The following ATG9A variants were observed in gnomAD, a reference collection of about 807,000 sequenced individuals.
ATG9A encodes the protein autophagy related 9A, also known as autophagy-related protein 9A.
In ATG9A, 21 loss-of-function variants were observed where a neutral mutation model predicts 87.1. The observed-to-expected ratio is 0.24, with a 90% confidence interval of 0.17 to 0.35. The LOEUF is 0.35. Among genes scored for constraint, ATG9A ranks in the 10% least tolerant of loss-of-function variants. The pLI is 1.00. For missense variants in ATG9A, 836 were observed against 1,107.3 expected, an observed-to-expected ratio of 0.76 and a Z score of 3.48; for synonymous variants, 422 against 441.3, an observed-to-expected ratio of 0.96 and a Z score of 0.55.
chr2:219,227,658 C>G (rs1950890062), intron 4 of ATG9A, 112 bp downstream of exon 4: 1 of 1,275,354 alleles, frequency 7.8e-7, no homozygotes, highest in South Asian at 1.3e-5. Flanking sequence ...AGGATGAGCT[C>G]CATTCCCGTT....
Position 219,224,307 on chromosome 2 carries a change from T to C in ATG9A, c.1064A>G (p.Asn355Ser), listed in dbSNP as rs1026050748. 1.1e-5 allele frequency: 17 copies of C among 1,613,608 alleles called. No homozygotes were observed. Among genetic ancestry groups the C allele is most frequent in the East Asian group, 4.5e-5 (2 of 44,896 alleles). The change falls in exon 8 of 16, where the codon AAC (asparagine) becomes AGC (serine). Residue 355 changes from asparagine to serine, a missense_variant. Physicochemically the swap from Asn to Ser is conservative, Grantham distance 46. Around this residue, in one of 2 missense-constraint regions of ATG9A, gnomAD observed 512 missense variants for 759.6 expected, o/e 0.67. Coordinates refer to ENST00000361242, the MANE Select transcript of ATG9A (RefSeq NM_001077198.3). This position sits in a 1 kb window ranked among gnomAD's most constrained non-coding sequence, Gnocchi z 7.7. ...CTTGGAGGCGGGCTTGTAGCCACGG[T>C]TGAGGCGGGACTGCAGCTCGTGCTC... ...ELEHELQSRL[N>S]RGYKPASKYM...
rs764389414 is a variant in ATG9A at position 219,224,741 on chromosome 2, G to A, written c.630C>T (p.His210=). Residue 210 remains histidine (H), a synonymous_variant, in exon 8 of 16, where the codon CAC becomes CAT. Coordinates refer to ENST00000361242, the MANE Select transcript of ATG9A (RefSeq NM_001077198.3). This position sits in a 1 kb window ranked among gnomAD's most constrained non-coding sequence, Gnocchi z 7.7. Reference sequence around the variant, plus strand: ...TGTAGTTCTGGAAACGGAGGATGCGGTGGTAGATGTCCAGTTCTGTCAGCT... The same window carrying A: ...TGTAGTTCTGGAAACGGAGGATGCGATGGTAGATGTCCAGTTCTGTCAGCT... The part of the protein sequence containing the change: ...KRELTELDIY[H]RILRFQNYMV... 6 of 1,614,130 alleles carry A rather than the reference G, an allele frequency of 3.7e-6. No individual in the cohort carries two copies. The highest frequency in any genetic ancestry group is 5.1e-6 in the Non-Finnish European group (6 of 1,180,056).
At position 219,224,806 on chromosome 2, in the gene ATG9A, G is replaced by A; in HGVS notation, c.565C>T (p.Gln189Ter). The A allele has an allele frequency of 6.2e-7, 1 of 1,614,174 alleles. No homozygotes were observed. Among genetic ancestry groups the A allele is most frequent in the Non-Finnish European group, 8.5e-7 (1 of 1,180,030 alleles). Residue 189 changes from glutamine to a stop codon, truncating the protein, a stop_gained, in exon 8 of 16, where the codon CAG (glutamine) becomes TAG (stop). Coordinates refer to ENST00000361242, the MANE Select transcript of ATG9A (RefSeq NM_001077198.3). LOFTEE classifies it high-confidence loss of function. This position sits in a 1 kb window ranked among gnomAD's most constrained non-coding sequence, Gnocchi z 7.7. ...CAGATCTGGTGCTCCTTCTGCGTCTGCACGATCCGGGCCTGCACTTCTTGC... is the reference window on the plus strand; with the variant it reads ...CAGATCTGGTGCTCCTTCTGCGTCTACACGATCCGGGCCTGCACTTCTTGC... ...TWQEVQARIVQTQKEHQICIH... is the reference protein window; with the variant it reads ...TWQEVQARIV
chr2:219,221,433 T>C (rs1950757045), intron 13 of ATG9A, 131 bp from the exon 14 acceptor site: 1 of 779,566 alleles, frequency 1.3e-6, no homozygotes, highest in South Asian at 2.0e-5. Flanking sequence ...GCACCTATTA[T>C]GTTAATAGTG....
chr2:219,227,133 G>A (rs1336831156), intron 4 of ATG9A, among the ~76,000 whole-genome samples, 200 bp from the exon 5 acceptor site: 2 of 152,212 alleles, frequency 1.3e-5, no homozygotes, highest in African/African-American at 4.8e-5. Context: ...GGAGTATTAG[G>A]TCTAAGATAA....
In ATG9A at chr2:219,224,648, G is replaced by A. The variant is rs528830151; in HGVS notation, c.723C>T (p.Val241=). ...TGTACTTGAGACCACGGGTGAAGAA[G>A]ACAGCTTCCCCGAGGCCAGGCAGGC... ...RFRLPGLGEA[V]FFTRGLKYNF... Residue 241 remains valine, a synonymous_variant, in exon 8 of 16, where the codon GTC becomes GTT. Coordinates refer to ENST00000361242, the MANE Select transcript of ATG9A (RefSeq NM_001077198.3). The surrounding 1 kb of genome is among the most constrained non-coding windows in gnomAD (Gnocchi z 7.7). The A allele has an allele frequency of 9.9e-6, 16 of 1,614,250 alleles. No individual in the cohort carries two copies. The South Asian group carries it at 1.4e-4, about 14-fold the overall frequency.
intron 5 of ATG9A, 23 bp downstream of exon 5, chr2:219,226,846 C>T (rs918050067): frequency 2.3e-5 from 36 of 1,598,966 alleles, no homozygotes; most frequent in Non-Finnish European, 3.1e-5. Flanking sequence ...TTCACCACAT[C>T]ATCTGTCCCT....
At chr2:219,220,547 G>A (rs1950730180) in intron 15 of ATG9A, 95 bp from the exon 16 acceptor site, 1 of 1,557,782 alleles carries the variant, frequency 6.4e-7, no homozygotes, top group Non-Finnish European at 8.8e-7. Context: ...GGACAGGAAA[G>A]GTTGATTCCT....
At chr2:219,227,548 T>C (rs1950887010) in intron 4 of ATG9A, among the ~76,000 whole-genome samples, 1 of 151,924 alleles carries the variant, frequency 6.6e-6, no homozygotes, top group East Asian at 1.9e-4. Context: ...TTAGAAAGGC[T>C]TCTACAAATT....
intron 13 of ATG9A, 77 bp from the exon 14 acceptor site, chr2:219,221,379 G>A (rs1950756222): frequency 1.5e-6 from 2 of 1,359,534 alleles, no homozygotes; most frequent in Admixed American, 2.8e-5. Context: ...CCTGGTATCA[G>A]TCAGTTCCCG....
In ATG9A at chr2:219,222,338, G is replaced by C; in HGVS notation, c.1961C>G (p.Ser654Cys). 2 of 1,613,296 alleles carry C rather than the reference G, an allele frequency of 1.2e-6. No individual in the cohort carries two copies. The highest frequency in any genetic ancestry group is 2.2e-5 in the East Asian group (1 of 44,880). Residue 654 changes from serine to cysteine, a missense_variant, in exon 12 of 16, where the codon TCC becomes TGC. This residue lies in a region of ATG9A where 324 missense variants were observed against 347.6 expected (regional missense o/e 0.93). Coordinates refer to ENST00000361242, the MANE Select transcript of ATG9A (RefSeq NM_001077198.3). This position sits in a 1 kb window ranked among gnomAD's most constrained non-coding sequence, Gnocchi z 4.3. Reference sequence around the variant, plus strand: ...CTGCCCGGGTTGCAGCGGGGAGAAGGAGCGCAGGGCAGAGGCGACTTCAGC... The same window carrying C: ...CTGCCCGGGTTGCAGCGGGGAGAAGCAGCGCAGGGCAGAGGCGACTTCAGC... ...HRAEVASALRSFSPLQPGQAP... is the reference protein window; with the variant it reads ...HRAEVASALRCFSPLQPGQAP...
At chr2:219,228,868 C>T (rs1322395442) in intron 1 of ATG9A, 1 of 152,318 alleles carries the variant, frequency 6.6e-6, no homozygotes, top group Non-Finnish European at 1.5e-5. Flanking sequence ...CCTTCTCTTA[C>T]TTCCCTAGCA....
chr2:219,228,324 C>T (rs371488047), intron 2 of ATG9A, 110 bp downstream of exon 2: 2 of 382,366 alleles, frequency 5.2e-6, no homozygotes, highest in African/African-American at 2.1e-5. Flanking sequence ...TTCTATTTAA[C>T]GGACAGAAGA....
rs925304806 is a variant in ATG9A at position 219,220,456 on chromosome 2, T to C, written c.2515-4A>G. On this transcript the variant is annotated splice_polypyrimidine_tract_variant and splice_region_variant and intron_variant, in intron 15 of 15. Coordinates refer to ENST00000361242, the MANE Select transcript of ATG9A (RefSeq NM_001077198.3). ...CCCTGCTCAGCCTTGTCTATACCTG[T>C]GGGGAGAAAGGGTTGGTAATGGAGA... The C allele has an allele frequency of 6.2e-7, 1 of 1,613,506 alleles. No homozygotes were observed. The highest frequency in any genetic ancestry group is 8.5e-7 in the Non-Finnish European group (1 of 1,179,646).
chr2:219,222,911 G>A lies in ATG9A; in HGVS notation c.1600-18C>T, dbSNP rs889931899. The stretch of plus-strand genomic sequence containing the variant: ...GATAGCCACTGCACAAGGAAGAGCA[G>A]AGTAAGCAGGGCTGTTCTCTTCCAG... On this transcript the variant is annotated intron_variant, in intron 10 of 15. Coordinates refer to ENST00000361242, the MANE Select transcript of ATG9A (RefSeq NM_001077198.3). This position sits in a 1 kb window ranked among gnomAD's most constrained non-coding sequence, Gnocchi z 4.3. 1.9e-6 allele frequency: 3 copies of A among 1,613,292 alleles called. No homozygotes were observed. The highest frequency in any genetic ancestry group is 1.3e-5 in the African/African-American group (1 of 74,890).
At chr2:219,226,361 G>C (rs947462693) in intron 5 of ATG9A, among the ~76,000 whole-genome samples, 1 of 152,204 alleles carries the variant, frequency 6.6e-6, no homozygotes, top group Non-Finnish European at 1.5e-5. Flanking sequence ...TTCTTTTCAT[G>C]GAAGAGATAA....
intron 5 of ATG9A, among the ~76,000 whole-genome samples, chr2:219,225,828 C>T (rs551045557): frequency 3.3e-5 from 5 of 152,314 alleles, no homozygotes; most frequent in East Asian, 3.9e-4. Flanking sequence ...ACTGGACTCT[C>T]GAAGGTTTCA....
In ATG9A at chr2:219,220,236, C is replaced by T; in HGVS notation, c.*211G>A. ...GGGGTCCTGGGGATGAGGCTAGAGT[C>T]CCGTGTGCCCTCGGTTCCTAGGCCC... On this transcript the variant is annotated 3_prime_UTR_variant, in exon 16 of 16. Coordinates refer to ENST00000361242, the MANE Select transcript of ATG9A (RefSeq NM_001077198.3). 1.7e-6 allele frequency: 1 copy of T among 603,422 alleles called. No homozygotes were observed. Among genetic ancestry groups the T allele is most frequent in the Non-Finnish European group, 2.9e-6 (1 of 345,514 alleles). 37.4% of individuals were successfully genotyped at this position (603,422 alleles called of 1,614,324 possible).
In ATG9A at chr2:219,221,259, C is replaced by A; in HGVS notation, c.2189G>T (p.Trp730Leu). Reference sequence around the variant, plus strand: ...ACTCTCATCACTCTCCCGGCGGTGCCATACATGCCGCTCAGGTTCAGCCTG... The same window carrying A: ...ACTCTCATCACTCTCCCGGCGGTGCAATACATGCCGCTCAGGTTCAGCCTG... ...QAQAEPERHV[W>L]HRRESDESGE... Residue 730 changes from tryptophan to leucine, a missense_variant, in exon 14 of 16, where the codon TGG becomes TTG. By Grantham distance (61) the Trp-to-Leu change is moderately conservative. Coordinates refer to ENST00000361242, the MANE Select transcript of ATG9A (RefSeq NM_001077198.3). 6.4e-7 allele frequency: 1 copy of A among 1,573,588 alleles called. No homozygotes were observed.
Sources: allele counts gnomAD v4.1 joint callset (sites outside exome capture counted in the v4.1 genomes callset), GRCh38; gene constraint gnomAD v4.1.1; regional missense constraint gnomAD v4.1.1; non-coding constraint Gnocchi (gnomAD v3.1); transcripts MANE v1.5; gene names NCBI Gene and HGNC (gene_info 2026-07-23, HGNC 2026-07-21).